Variants in USP7 observed in about 807,000 individuals in gnomAD.
USP7 encodes ubiquitin specific peptidase 7.
A neutral mutation model predicts 162.9 loss-of-function variants in USP7; 9 were observed. The observed-to-expected ratio is 0.06, with a 90% CI of 0.03 to 0.10. The LOEUF is 0.10. Ranked by LOEUF, USP7 falls within the 10% of genes least tolerant of loss-of-function variation. USP7 has a pLI of 1.00. For synonymous variants in USP7, 562 were observed against 475.9 expected, an observed-to-expected ratio of 1.18 and a Z score of -2.35; for missense variants, 715 against 1,373.7, an observed-to-expected ratio of 0.52 and a Z score of 7.58.
At chr16:8,952,760 C>T (rs1366631602) in intron 1 of USP7, among the ~76,000 whole-genome samples, 1 of 152,180 alleles carries the variant, frequency 6.6e-6, no homozygotes, top group African/African-American at 2.4e-5. Flanking sequence ...ACCACAGACC[C>T]TAAACCTCTA....
At chr16:8,926,354 C>G (rs562099048) in intron 2 of USP7, among the ~76,000 whole-genome samples, 3 of 152,040 alleles carry the variant, frequency 2.0e-5, no homozygotes, top group Non-Finnish European at 4.4e-5. Context: ...TGGTGCACGC[C>G]TGTAATCCCA....
intron 2 of USP7, among the ~76,000 whole-genome samples, chr16:8,925,091 T>G (rs1028208505): frequency 2.6e-5 from 4 of 152,108 alleles, no homozygotes; most frequent in African/African-American, 9.7e-5. Context: ...TCACAGCTGA[T>G]CAGGAGTTAA....
intron 1 of USP7, among the ~76,000 whole-genome samples, chr16:8,959,245 C>A (rs1474265702): frequency 6.6e-6 from 1 of 151,978 alleles, no homozygotes; most frequent in Non-Finnish European, 1.5e-5. Flanking sequence ...TGGCAAAACC[C>A]AGATTCAAAC....
intron 2 of USP7, among the ~76,000 whole-genome samples, chr16:8,928,662 A>T (rs1435372731): frequency 6.6e-6 from 1 of 152,168 alleles, no homozygotes; most frequent in Non-Finnish European, 1.5e-5. Context: ...GGGTCTTTCA[A>T]CGGCAACCAC....
At position 8,919,113 on chromosome 16, in the gene USP7, T is replaced by C. The variant is rs760642910; in HGVS notation, c.638A>G (p.Tyr213Cys). 7 of 1,614,144 alleles carry C rather than the reference T, an allele frequency of 4.3e-6. No individual in the cohort carries two copies. ...VAWDSKKHTG[Y>C]VGLKNQGATC... is the part of the protein sequence containing the mutation. The stretch of plus-strand genomic sequence containing the variant: ...CGCTCCCTGATTCTTTAAGCCGACG[T>C]AGCCTGTGTGCTTCTTTGAATCCCA... The change falls in exon 6 of 31, where the codon TAC (tyrosine) becomes TGC (cysteine). Residue 213 changes from tyrosine (Y) to cysteine (C), a missense_variant. Tyr to Cys is a radical substitution (Grantham distance 194). This residue lies in a region of USP7 where 24 missense variants were observed against 153.3 expected (regional missense o/e 0.16). Coordinates refer to ENST00000344836, the MANE Select transcript of USP7 (RefSeq NM_003470.3).
chr16:8,894,405 G>C, intron 30 of USP7, 145 bp downstream of exon 30: 4 of 724,722 alleles, frequency 5.5e-6, no homozygotes, highest in Non-Finnish European at 9.0e-6. Flanking sequence ...GTAGGTTATG[G>C]AATGCTATTG....
At chr16:8,948,496 C>T (rs77026442) in intron 1 of USP7, among the ~76,000 whole-genome samples, 9 of 152,278 alleles carry the variant, frequency 5.9e-5, no homozygotes, top group Non-Finnish European at 1.2e-4. Context: ...CCAGTTAACT[C>T]AACTTAGTAA....
chr16:8,948,126 C>T (rs1364949877), intron 1 of USP7, among the ~76,000 whole-genome samples: 1 of 152,230 alleles, frequency 6.6e-6, no homozygotes, highest in African/African-American at 2.4e-5. Context: ...CCACTGTGGC[C>T]TGTAAAATCC....
At chr16:8,916,239 T>C (rs1213278389) in intron 8 of USP7, among the ~76,000 whole-genome samples, 1 of 152,206 alleles carries the variant, frequency 6.6e-6, no homozygotes. Context: ...AACTCCTGTA[T>C]ATATACCAAT....
At chr16:8,936,706 C>T (rs1194704269) in intron 1 of USP7, 4 of 1,435,180 alleles carry the variant, frequency 2.8e-6, no homozygotes, top group Admixed American at 2.9e-5. Flanking sequence ...AGGAGCTCTA[C>T]CTCAGCATTC....
intron 12 of USP7, 51 bp downstream of exon 12, chr16:8,908,290 C>G: frequency 1.4e-6 from 2 of 1,456,716 alleles, no homozygotes; most frequent in Middle Eastern, 2.2e-4. Flanking sequence ...GACTAACCCC[C>G]TAGACCAGCA....
intron 6 of USP7, among the ~76,000 whole-genome samples, chr16:8,917,724 A>C (rs1365482753): frequency 1.3e-5 from 2 of 152,078 alleles, no homozygotes; most frequent in Non-Finnish European, 2.9e-5. Context: ...AAAAGTAAAC[A>C]AAAAACAAAA....
chr16:8,917,213 A>G (rs989158316), intron 6 of USP7, 57 bp from the exon 7 acceptor site: 2 of 1,534,584 alleles, frequency 1.3e-6, no homozygotes, highest in African/African-American at 2.8e-5. Context: ...GGAATTTAAA[A>G]AACAGTAAGA....
intron 1 of USP7, among the ~76,000 whole-genome samples, chr16:8,939,210 G>A (rs917373740): frequency 6.6e-6 from 1 of 152,190 alleles, no homozygotes; most frequent in Non-Finnish European, 1.5e-5. Context: ...ATCCTGAACA[G>A]TTCCAACACC....
rs777052576 is a variant in USP7 at position 8,904,525 on chromosome 16, C to G, written c.1614G>C (p.Gln538His). 6.2e-7 allele frequency: 1 copy of G among 1,614,180 alleles called. No homozygotes were observed. The highest frequency in any genetic ancestry group is 8.5e-7 in the Non-Finnish European group (1 of 1,180,040). ...CTTCTTGTAATCGCTCCACCAACTG[C>G]TGAGGAATATCATGGTCGGTGACCG... Reference protein sequence around the residue: ...LQAVTDHDIPQQLVERLQEEK... With the variant: ...LQAVTDHDIPHQLVERLQEEK... The change falls in exon 15 of 31, where the codon CAG (glutamine) becomes CAC (histidine). Residue 538 changes from glutamine (Q) to histidine (H), a missense_variant. Gln to His is a conservative substitution (Grantham distance 24). This residue lies in a region of USP7 where 197 missense variants were observed against 306.5 expected (regional missense o/e 0.64). Transcript: ENST00000344836.
chr16:8,962,669 T>G (rs1900060814), intron 1 of USP7: 1 of 204,438 alleles, frequency 4.9e-6, no homozygotes, highest in Non-Finnish European at 1.1e-5. Context: ...TGACAACATC[T>G]GCGTTCCTTG....
chr16:8,920,998 G>A (rs556601711), intron 4 of USP7, among the ~76,000 whole-genome samples, 159 bp downstream of exon 4: 1 of 152,314 alleles, frequency 6.6e-6, no homozygotes, highest in Non-Finnish European at 1.5e-5. Context: ...AAAAACGTAA[G>A]ATACGAAACT....
chr16:8,910,374 T>G (rs1278572736), intron 11 of USP7, among the ~76,000 whole-genome samples: 1 of 152,110 alleles, frequency 6.6e-6, no homozygotes, highest in Non-Finnish European at 1.5e-5. Context: ...AAAATACATT[T>G]AAAAATAAAG....
Position 8,915,481 on chromosome 16 carries a change from C to T in USP7, c.951G>A (p.Glu317=), listed in dbSNP as rs762857182. Residue 317 remains glutamate (E), a synonymous_variant, in exon 9 of 31, where the codon GAG becomes GAA. Coordinates refer to ENST00000344836, the MANE Select transcript of USP7 (RefSeq NM_003470.3). ...CGCGGAATAATTTGGGTATGGTGCC[C>T]TCTACACAGGTGCCTTTCATCTTAT... The part of the protein sequence containing the change: ...VENKMKGTCV[E]GTIPKLFRGK... The T allele has an allele frequency of 6.2e-7, 1 of 1,613,446 alleles. No individual in the cohort carries two copies. The highest frequency in any genetic ancestry group is 1.1e-5 in the South Asian group (1 of 91,018).
Sources: allele counts gnomAD v4.1 joint callset (sites outside exome capture counted in the v4.1 genomes callset), GRCh38; gene constraint gnomAD v4.1.1; regional missense constraint gnomAD v4.1.1; transcripts MANE v1.5; gene names NCBI Gene and HGNC (gene_info 2026-07-23, HGNC 2026-07-21).